Variants in NPAS3 observed in about 807,000 individuals in gnomAD.
NPAS3 encodes neuronal PAS domain protein 3.
In NPAS3, 14 loss-of-function variants were observed where a neutral mutation model predicts 73.1. The observed-to-expected ratio is 0.19, with a 90% CI of 0.13 to 0.30. NPAS3 has a LOEUF of 0.30. NPAS3 is among the 10% of genes least tolerant of loss of function. The pLI is 1.00. For synonymous variants in NPAS3, 620 were observed against 541.5 expected, an observed-to-expected ratio of 1.14 and a Z score of -2.01; for missense variants, 1,096 against 1,250.0, an observed-to-expected ratio of 0.88 and a Z score of 1.86.
intron 3 of NPAS3, among the ~76,000 whole-genome samples, chr14:33,286,398 CAGAGAT>C (rs748309980): frequency 1.3e-5 from 2 of 152,122 alleles, no homozygotes; most frequent in Non-Finnish European, 2.9e-5. Context: ...TCTGTGGATA[CAGAGAT>C]AGTAATCATA....
intron 5 of NPAS3, among the ~76,000 whole-genome samples, chr14:33,582,852 C>G (rs1250049885): frequency 6.6e-6 from 1 of 151,416 alleles, no homozygotes; most frequent in Non-Finnish European, 1.5e-5. Context: ...AATAAGCACA[C>G]AAAGAGCATA....
At chr14:33,575,828 G>C (rs1027974298) in intron 5 of NPAS3, among the ~76,000 whole-genome samples, 2 of 152,108 alleles carry the variant, frequency 1.3e-5, no homozygotes, top group African/African-American at 4.8e-5. Flanking sequence ...AGATAATATA[G>C]AACATGTACA....
intron 5 of NPAS3, among the ~76,000 whole-genome samples, chr14:33,594,975 A>G (rs2057192075): frequency 6.6e-6 from 1 of 152,210 alleles, no homozygotes; most frequent in African/African-American, 2.4e-5. Context: ...TAGATTGCAC[A>G]GGTGAAGTTC....
At chr14:33,247,606 A>G (rs1166223346) in intron 3 of NPAS3, among the ~76,000 whole-genome samples, 2 of 152,174 alleles carry the variant, frequency 1.3e-5, no homozygotes, top group African/African-American at 2.4e-5. Flanking sequence ...AAAATTCACT[A>G]CAAGTTGGTC....
intron 1 of NPAS3, among the ~76,000 whole-genome samples, chr14:33,024,670 T>G (rs1354381808): frequency 6.6e-6 from 1 of 152,216 alleles, no homozygotes; most frequent in Non-Finnish European, 1.5e-5. Flanking sequence ...AATTTGTATC[T>G]TAGTTGAAAA....
Position 32,945,222 on chromosome 14 carries a change from T to TAA in NPAS3, c.50+5857_50+5858dup, listed in dbSNP as rs781105958. On this transcript the variant is annotated intron_variant, in intron 1 of 11. Transcript: ENST00000356141. ...TAGTTATTCAACTTGTAAAATATTG[T>TAA]AATTAGTGACTACAAAGTGATTAGA... Among the ~76,000 whole-genome samples, 212 of 152,302 alleles carry TAA rather than the reference T, an allele frequency of 1.4e-3. 1 individual carries two copies. The highest frequency in any genetic ancestry group is 3.7e-3 in the South Asian group (18 of 4,822).
intron 9 of NPAS3, among the ~76,000 whole-genome samples, chr14:33,789,903 A>G (rs968830716): frequency 5.9e-5 from 9 of 152,320 alleles, no homozygotes; most frequent in African/African-American, 2.2e-4. Context: ...GTACAACTTT[A>G]AAGACATAAT....
At chr14:33,321,533 T>A (rs764963098) in intron 3 of NPAS3, among the ~76,000 whole-genome samples, 1 of 151,958 alleles carries the variant, frequency 6.6e-6, no homozygotes, top group Non-Finnish European at 1.5e-5. Context: ...GTAGGCATAA[T>A]AACACAGCAG....
At chr14:33,076,573 G>A (rs1215234473) in intron 2 of NPAS3, among the ~76,000 whole-genome samples, 5 of 152,152 alleles carry the variant, frequency 3.3e-5, no homozygotes, top group African/African-American at 7.2e-5. Flanking sequence ...TTAGCTCAAC[G>A]GAGCAGCAAG....
intron 1 of NPAS3, among the ~76,000 whole-genome samples, chr14:32,967,187 A>G (rs547658669): frequency 6.6e-6 from 1 of 152,180 alleles, no homozygotes; most frequent in Non-Finnish European, 1.5e-5. Flanking sequence ...AAAAGATGAT[A>G]ATGACCTTTA....
At chr14:33,422,757 T>C (rs897344180) in intron 4 of NPAS3, among the ~76,000 whole-genome samples, 4 of 151,970 alleles carry the variant, frequency 2.6e-5, no homozygotes, top group African/African-American at 9.7e-5. Context: ...TAAGCAATTA[T>C]AGATATGTTG....
intron 7 of NPAS3, among the ~76,000 whole-genome samples, chr14:33,769,805 T>C (rs1297261721): frequency 7.3e-6 from 1 of 136,484 alleles, no homozygotes; most frequent in East Asian, 2.4e-4. Flanking sequence ...TGCTCTGTCA[T>C]CCAGGCTGGC....
chr14:32,960,277 C>A (rs1003719047), intron 1 of NPAS3, among the ~76,000 whole-genome samples: 1 of 151,812 alleles, frequency 6.6e-6, no homozygotes, highest in African/African-American at 2.4e-5. Flanking sequence ...TGGAGAGAAG[C>A]AGGAAAAATA....
intron 9 of NPAS3, among the ~76,000 whole-genome samples, chr14:33,789,307 G>C (rs2063275926): frequency 6.6e-6 from 1 of 152,162 alleles, no homozygotes; most frequent in Non-Finnish European, 1.5e-5. Flanking sequence ...ATAACTTGGA[G>C]GGTGGGATGG....
At chr14:33,209,289 T>C (rs749909795) in intron 2 of NPAS3, among the ~76,000 whole-genome samples, 1 of 152,144 alleles carries the variant, frequency 6.6e-6, no homozygotes, top group Non-Finnish European at 1.5e-5. Context: ...AAAAATACTC[T>C]TGGAAGAATT....
At position 33,321,619 on chromosome 14, in the gene NPAS3, G is replaced by C. The variant is rs140802788; in HGVS notation, c.386-45567G>C. Among the ~76,000 whole-genome samples, 14 of 152,174 alleles carry C rather than the reference G, an allele frequency of 9.2e-5. No homozygotes were observed. The East Asian group carries it at 9.7e-4, about 11-fold the overall frequency. ...CTTCCTAGCTGAGTCACCTTGAACAGATGACTTGGTAGGTCTTAGCCTCAG... is the reference window on the plus strand; with the variant it reads ...CTTCCTAGCTGAGTCACCTTGAACACATGACTTGGTAGGTCTTAGCCTCAG... On this transcript the variant is annotated intron_variant, in intron 3 of 11. Coordinates refer to ENST00000356141, the Ensembl canonical transcript of NPAS3.
intron 2 of NPAS3, among the ~76,000 whole-genome samples, chr14:33,090,270 C>G (rs889865287): frequency 2.1e-4 from 29 of 135,000 alleles, no homozygotes; most frequent in African/African-American, 8.4e-4. Flanking sequence ...TGTGCAGAGT[C>G]ACACATAGGC....
chr14:33,253,196 C>T (rs1219510246), intron 3 of NPAS3, among the ~76,000 whole-genome samples: 4 of 152,130 alleles, frequency 2.6e-5, no homozygotes, highest in African/African-American at 4.8e-5. Flanking sequence ...GAGAAGTCTT[C>T]ATGCTGTTTT....
At position 33,181,823 on chromosome 14, in the gene NPAS3, C is replaced by T. The variant is rs144242316; in HGVS notation, c.141-33359C>T. Among the ~76,000 whole-genome samples, 1,207 of 152,314 alleles carry T rather than the reference C, an allele frequency of 7.9e-3. 12 individuals carry two copies. The highest frequency in any genetic ancestry group is 0.013 in the Non-Finnish European group (890 of 68,024). ...CCTACTTTCTGTCAGCCAGTTTTTACTGCATGTAAATAAATGCATGTAAAT... is the reference window on the plus strand; with the variant it reads ...CCTACTTTCTGTCAGCCAGTTTTTATTGCATGTAAATAAATGCATGTAAAT... On this transcript the variant is annotated intron_variant, in intron 2 of 11. Transcript: ENST00000356141.
Sources: gnomAD v4.1 joint callset for allele counts (sites outside exome capture counted in the v4.1 genomes callset) on GRCh38, gnomAD v4.1.1 for gene constraint, MANE v1.5 for transcripts, NCBI Gene and HGNC (gene_info 2026-07-23, HGNC 2026-07-21) for gene names.